Variants in YBEY observed in about 807,000 individuals in gnomAD.
YBEY encodes the protein endoribonuclease YbeY.
YBEY carries 15 observed loss-of-function variants against 13.5 expected under a neutral mutation model. That is an observed-to-expected ratio of 1.11 (90% CI 0.75 to 1.72). YBEY has a LOEUF of 1.72. Ranked by LOEUF, YBEY falls within the 40% of genes most tolerant of loss-of-function variation. The pLI, the probability that YBEY is intolerant of heterozygous loss-of-function variation, is 0.00. For synonymous variants in YBEY, 101 were observed against 83.1 expected (o/e 1.21, Z -1.17); for missense variants, 244 against 208.4 (o/e 1.17, Z -1.05).
the YBEY span, among the ~76,000 whole-genome samples, chr21:46,309,410 C>T: frequency 2.7e-5 from 4 of 149,340 alleles, no homozygotes; most frequent in East Asian, 6.0e-4. Flanking sequence ...TGAAGTGAGC[C>T]GAGATTGCGC....
At position 46,287,868 on chromosome 21, in the gene YBEY, G is replaced by A. The variant is rs550388748; in HGVS notation, c.210+745G>A. 2.6e-5 allele frequency among the ~76,000 whole-genome samples: 4 copies of A among 152,008 alleles called. No individual in the cohort carries two copies. The East Asian group carries it at 7.8e-4, about 30-fold the overall frequency. ...TTAGCTGGGTGTGGTTGTGCCGGGC[G>A]GGAGGTGGAGGGGGGCACCTATAAT... On this transcript the variant is annotated intron_variant, in intron 2 of 4. Transcript: ENST00000397701.
At chr21:46,286,718 G>A (rs1601562480) in intron 1 of YBEY, 152 bp from the exon 2 acceptor site, 1 of 562,446 alleles carries the variant, frequency 1.8e-6, no homozygotes, top group Non-Finnish European at 3.1e-6. Context: ...ATAGACCCTC[G>A]TTGTTGCTTC....
intron 2 of YBEY, among the ~76,000 whole-genome samples, chr21:46,289,446 GT>G (rs71187307): frequency 2.2e-4 from 31 of 140,284 alleles, no homozygotes; most frequent in African/African-American, 3.5e-4. Context: ...CAAGGGTTTT[GT>G]TTTTTTTTTT....
downstream of YBEY, chr21:46,302,618 T>G: frequency 6.7e-7 from 1 of 1,494,698 alleles, no homozygotes; most frequent in Non-Finnish European, 9.2e-7. Context: ...AAGTTTCCGT[T>G]TTTCCTATTT....
chr21:46,303,732 TATA>T, the YBEY span, among the ~76,000 whole-genome samples: 185 of 31,542 alleles, frequency 5.9e-3, 1 homozygote, highest in Non-Finnish European at 8.9e-3. Context: ...TATATATATA[TATA>T]TATATATATA....
At chr21:46,302,559 G>C, downstream of YBEY, 1 of 1,612,136 alleles carries the variant, frequency 6.2e-7, no homozygotes, top group Non-Finnish European at 8.5e-7. Flanking sequence ...TTCTGCAGCA[G>C]CAGCAGCTCC....
intron 3 of YBEY, among the ~76,000 whole-genome samples, chr21:46,294,925 G>C (rs2081900740): frequency 6.6e-6 from 1 of 152,196 alleles, no homozygotes; most frequent in African/African-American, 2.4e-5. Context: ...CAGTGTGAAA[G>C]GATGGGACGG....
Position 46,297,606 on chromosome 21 carries a change from T to C in YBEY, c.476T>C (p.Leu159Pro). ...CGCACGGGGACCCGGCTGCAGCCCC[T>C]GACCCGGGGCCTCTTCGGAGGGAGC... ...GRRTGTRLQP[L>P]TRGLFGGS Residue 159 changes from leucine (L) to proline (P), a missense_variant, in exon 5 of 5, where the codon CTG becomes CCG. Coordinates refer to ENST00000397701, the MANE Select transcript of YBEY (RefSeq NM_001314025.2). 3 of 1,373,286 alleles carry C rather than the reference T, an allele frequency of 2.2e-6. No individual in the cohort carries two copies. The highest frequency in any genetic ancestry group is 2.9e-6 in the Non-Finnish European group (3 of 1,048,492). 85.1% of individuals were successfully genotyped at this position (1,373,286 alleles called of 1,614,324 possible). A position where few individuals can be genotyped will look rare whatever the true frequency, so the allele number is the denominator to read the frequency against.
Position 46,286,998 on chromosome 21 carries a change from A to C in YBEY, c.85A>C (p.Ile29Leu). ...LRSKIEIVRR[I>L]LGVQKFDLGI... ...CAGTAAGATCGAGATTGTAAGGAGG[A>C]TTTTAGGAGTGCAGAAATTTGACCT... Residue 29 changes from isoleucine (I) to leucine (L), a missense_variant, in exon 2 of 5, where the codon ATT becomes CTT. Coordinates refer to ENST00000397701, the MANE Select transcript of YBEY (RefSeq NM_001314025.2). The C allele has an allele frequency of 6.2e-7, 1 of 1,614,004 alleles. No homozygotes were observed. The highest frequency in any genetic ancestry group is 1.1e-5 in the South Asian group (1 of 91,086).
chr21:46,288,910 G>C (rs975065133), intron 2 of YBEY, among the ~76,000 whole-genome samples: 1 of 152,064 alleles, frequency 6.6e-6, no homozygotes, highest in Non-Finnish European at 1.5e-5. Context: ...TGTCGTCCCA[G>C]CTACTCAGGA....
At chr21:46,303,104 C>T in the YBEY span, among the ~76,000 whole-genome samples, 4 of 151,934 alleles carry the variant, frequency 2.6e-5, no homozygotes, top group East Asian at 3.9e-4. Flanking sequence ...GCAGAGCTTG[C>T]GGTGAGCCAA....
chr21:46,313,095 C>T, the YBEY span: 2 of 978,362 alleles, frequency 2.0e-6, no homozygotes, highest in Non-Finnish European at 2.4e-6. Context: ...CCAAGAGCTA[C>T]ATCGTAAACA....
intron 3 of YBEY, among the ~76,000 whole-genome samples, chr21:46,295,028 G>T (rs1324112085): frequency 6.6e-6 from 1 of 152,174 alleles, no homozygotes; most frequent in Non-Finnish European, 1.5e-5. Flanking sequence ...GAGTTTCTGA[G>T]AGTGACAGGA....
chr21:46,311,613 A>G, the YBEY span: 3 of 1,211,058 alleles, frequency 2.5e-6, no homozygotes, highest in Admixed American at 6.1e-5. Flanking sequence ...TCCTTGAAGA[A>G]AGTGTCTCCA....
intron 3 of YBEY, among the ~76,000 whole-genome samples, chr21:46,293,489 CGTGCCCGGG>C (rs2081825891): frequency 2.9e-5 from 1 of 34,918 alleles, no homozygotes. Context: ...TAGCCTGACC[CGTGCCCGGG>C]ACTCAGTGGG....
At chr21:46,307,001 T>G in the YBEY span, among the ~76,000 whole-genome samples, 2 of 152,090 alleles carry the variant, frequency 1.3e-5, no homozygotes, top group African/African-American at 4.8e-5. Context: ...GCTCAAGCAA[T>G]TCTCCTGCCT....
At chr21:46,312,126 T>A in the YBEY span, among the ~76,000 whole-genome samples, 2 of 151,984 alleles carry the variant, frequency 1.3e-5, no homozygotes, top group African/African-American at 4.8e-5. Context: ...CATCCATTCA[T>A]CCATCCAAGG....
chr21:46,302,635 G>A (rs1167560212), downstream of YBEY: 1 of 1,341,490 alleles, frequency 7.5e-7, no homozygotes, highest in African/African-American at 1.4e-5. Context: ...ATTTGTTAAA[G>A]TGATAGAGCA....
At chr21:46,289,655 T>C (rs1050341183) in intron 2 of YBEY, among the ~76,000 whole-genome samples, 2 of 151,776 alleles carry the variant, frequency 1.3e-5, no homozygotes, top group Admixed American at 1.3e-4. Context: ...GGTTTCACCA[T>C]GTTGGCCAAG....
Sources: gnomAD v4.1 joint callset for allele counts (sites outside exome capture counted in the v4.1 genomes callset) on GRCh38, gnomAD v4.1.1 for gene constraint, MANE v1.5 for transcripts, NCBI Gene and HGNC (gene_info 2026-07-23, HGNC 2026-07-21) for gene names.